The following PKD1L3 variants were observed in gnomAD, a reference collection of about 807,000 sequenced individuals.
The protein encoded by PKD1L3 is polycystin 1 like 3, transient receptor potential channel interacting.
In PKD1L3, 239 loss-of-function variants were observed where a neutral mutation model predicts 184.1. The ratio of observed to expected loss-of-function variants is 1.30; its 90% confidence interval spans 1.17 to 1.45. PKD1L3 has a LOEUF of 1.45. Among genes scored for constraint, PKD1L3 ranks in the 40% most tolerant of loss-of-function variants. PKD1L3 has a pLI of 0.00. For synonymous variants in PKD1L3, 996 were observed against 778.8 expected (o/e 1.28, Z -4.64); for missense variants, 2,660 against 2,067.2 (o/e 1.29, Z -5.56).
intron 12 of PKD1L3, among the ~76,000 whole-genome samples, chr16:71,971,799 A>G (rs2039720378): frequency 6.6e-6 from 1 of 152,186 alleles, no homozygotes; most frequent in South Asian, 2.1e-4. Flanking sequence ...ATGCCTTCCT[A>G]AGAATCCTCT....
chr16:71,970,667 G>C (rs1472086565), intron 12 of PKD1L3, among the ~76,000 whole-genome samples: 1 of 152,094 alleles, frequency 6.6e-6, no homozygotes, highest in East Asian at 1.9e-4. Flanking sequence ...AATTAGCCAG[G>C]CTTGGAGGCG....
intron 16 of PKD1L3, among the ~76,000 whole-genome samples, chr16:71,958,377 A>G (rs1386211668): frequency 8.0e-6 from 1 of 124,696 alleles, no homozygotes; most frequent in African/African-American, 2.9e-5. Context: ...ACAGAGCGAG[A>G]CTCCGTCTCA....
rs376138739 is a variant in PKD1L3, at chr16:71,979,885, G to A, written c.1299C>T (p.Ser433=). ...GGGCTGGGTGACCCAGAGTGTAAGA[G>A]CTCAGCGGTAAAGTTGATATGTTTT... The part of the protein sequence containing the change: ...SRQNISTLPL[S]SYTLGHPAPV... The change falls in exon 9 of 30, where the codon AGC becomes AGT. Residue 433 remains serine (S), a synonymous_variant. Transcript: ENST00000620267. 3 of 1,548,702 alleles carry A rather than the reference G, an allele frequency of 1.9e-6. No homozygotes were observed. The African/African-American group carries it at 4.1e-5, about 21-fold the overall frequency.
At chr16:71,999,189 T>C (rs993419819) in intron 1 of PKD1L3, among the ~76,000 whole-genome samples, 1 of 149,476 alleles carries the variant, frequency 6.7e-6, no homozygotes, top group African/African-American at 2.5e-5. Context: ...GAGAATGGCG[T>C]GAACCCGGGA....
chr16:71,945,385 T>C (rs58330958), intron 22 of PKD1L3, among the ~76,000 whole-genome samples: 98,374 of 132,026 alleles, frequency 0.75, 36,020 homozygotes, highest in East Asian at 0.97. Flanking sequence ...CACACACACA[T>C]ATATATATAT....
chr16:71,938,134 G>C (rs1053165902), intron 24 of PKD1L3, among the ~76,000 whole-genome samples: 6 of 152,114 alleles, frequency 3.9e-5, no homozygotes, highest in African/African-American at 1.4e-4. Context: ...GCACTCGGGG[G>C]CTCAGGAAAC....
chr16:71,980,269 T>C (rs1162144348), intron 7 of PKD1L3, 135 bp from the exon 8 acceptor site: 1 of 1,209,242 alleles, frequency 8.3e-7, no homozygotes, highest in African/African-American at 1.5e-5. Flanking sequence ...AGAGAGGACC[T>C]TGGAATCTCA....
intron 1 of PKD1L3, among the ~76,000 whole-genome samples, chr16:71,999,056 G>A (rs1342501984): frequency 1.3e-5 from 2 of 152,032 alleles, no homozygotes. Context: ...CGGATCACGA[G>A]GTCAGGAGAT....
rs2038837397 is a variant in PKD1L3, at chr16:71,951,606, C to CCT, written c.3146_3147dup (p.Gly1050ArgfsTer35). On this transcript the variant is annotated frameshift_variant, in exon 19 of 30. Transcript: ENST00000620267. LOFTEE classifies it high-confidence loss of function. ...TCTCCCTGCTGATGACAGCCTTGAC[C>CCT]CTCCAAGTGAGATGATACGAGGCTG... 9 of 1,551,616 alleles carry CCT rather than the reference C, an allele frequency of 5.8e-6. No homozygotes were observed. The highest frequency in any genetic ancestry group is 4.1e-5 in the African/African-American group (3 of 73,022).
Position 71,967,322 on chromosome 16 carries a change from T to A in PKD1L3, c.2287-7A>T, listed in dbSNP as rs965143438. ...CATAGAGGGTGATGACAACCTACAATGAGACAGGGAAAGATAAAATATAAG... is the reference window on the plus strand; with the variant it reads ...CATAGAGGGTGATGACAACCTACAAAGAGACAGGGAAAGATAAAATATAAG... On this transcript the variant is annotated splice_region_variant and splice_polypyrimidine_tract_variant and intron_variant, in intron 14 of 29. Coordinates refer to ENST00000620267, the MANE Select transcript of PKD1L3 (RefSeq NM_181536.2). 6.5e-7 allele frequency: 1 copy of A among 1,548,118 alleles called. No individual in the cohort carries two copies. The highest frequency in any genetic ancestry group is 8.7e-7 in the Non-Finnish European group (1 of 1,145,552).
chr16:71,980,272 G>A lies in PKD1L3; in HGVS notation c.1144-138C>T, dbSNP rs2040098940. On this transcript the variant is annotated intron_variant, in intron 7 of 29. Transcript: ENST00000620267. ...GTAGTATTCCTTAGAGAGGACCTTG[G>A]AATCTCACAGAAAGTACTTGCAACC... 2.5e-6 allele frequency: 3 copies of A among 1,180,674 alleles called. No homozygotes were observed. In the Admixed American group the frequency reaches 8.4e-5, roughly 33 times the overall value. 73.1% of individuals were successfully genotyped at this position (1,180,674 alleles called of 1,614,324 possible).
intron 3 of PKD1L3, among the ~76,000 whole-genome samples, chr16:71,990,680 G>C (rs562054230): frequency 6.6e-5 from 10 of 152,226 alleles, no homozygotes; most frequent in Admixed American, 3.9e-4. Flanking sequence ...GTTGCAGTGA[G>C]CCGAGATTGT....
chr16:71,929,874 A>G, intron 29 of PKD1L3, 178 bp downstream of exon 29: 2 of 985,414 alleles, frequency 2.0e-6, no homozygotes, highest in Non-Finnish European at 2.9e-6. Flanking sequence ...GCTATAGAAT[A>G]TTATGTAGTC....
Position 71,934,487 on chromosome 16 carries a change from G to A in PKD1L3, c.4614-362C>T, listed in dbSNP as rs569270560. On this transcript the variant is annotated intron_variant, in intron 26 of 29. Coordinates refer to ENST00000620267, the MANE Select transcript of PKD1L3 (RefSeq NM_181536.2). ...CAAAAGGAGATTAACTCAGCCCAGA[G>A]AGAGGAGCCATGCTGCTGGTCTGTT... Among the ~76,000 whole-genome samples, 12 of 152,310 alleles carry A rather than the reference G, an allele frequency of 7.9e-5. No homozygotes were observed. The South Asian group carries it at 2.5e-3, about 32-fold the overall frequency.
chr16:71,949,806 T>C lies in PKD1L3; in HGVS notation c.3595A>G (p.Ile1199Val). The change falls in exon 21 of 30, where the codon ATC (isoleucine) becomes GTC (valine). Residue 1199 changes from isoleucine to valine, a missense_variant. Ile to Val is a conservative substitution (Grantham distance 29). Transcript: ENST00000620267. ...ISIILSVLQN[I>V]FISQPVKVVF... is the part of the protein sequence containing the mutation. ...ACCTTTACTGGCTGGCTGATGAAGA[T>C]GTTCTGAAGCACTGATAAAATAATT... 5 of 1,550,966 alleles carry C rather than the reference T, an allele frequency of 3.2e-6. No homozygotes were observed. Among genetic ancestry groups the C allele is most frequent in the Non-Finnish European group, 3.5e-6 (4 of 1,146,882 alleles).
intron 3 of PKD1L3, among the ~76,000 whole-genome samples, chr16:71,990,594 C>A (rs1316086260): frequency 6.6e-6 from 1 of 151,778 alleles, no homozygotes; most frequent in Non-Finnish European, 1.5e-5. Flanking sequence ...ATTAGCCGGG[C>A]GTGGTGGCGG....
rs1597328787 is a variant in PKD1L3 at position 71,963,319 on chromosome 16, G to A, written c.2498C>T (p.Ala833Val). 2.6e-6 allele frequency: 4 copies of A among 1,550,846 alleles called. No individual in the cohort carries two copies. Among genetic ancestry groups the A allele is most frequent in the Middle Eastern group, 1.7e-4 (1 of 5,988 alleles). ...YVSQVIVCDMAVKRKWHFLCN... is the reference protein window; with the variant it reads ...YVSQVIVCDMVVKRKWHFLCN... ...CAGGAAATGCCACTTCCTCTTAACT[G>A]CCATGTCACAGACAATTACCTGGCT... The change falls in exon 16 of 30, where the codon GCA (alanine) becomes GTA (valine). Residue 833 changes from alanine to valine, a missense_variant. Physicochemically the swap from Ala to Val is moderately conservative, Grantham distance 64. Coordinates refer to ENST00000620267, the MANE Select transcript of PKD1L3 (RefSeq NM_181536.2).
chr16:71,963,061 T>C (rs940318919), intron 16 of PKD1L3, 144 bp downstream of exon 16: 36 of 869,330 alleles, frequency 4.1e-5, no homozygotes, highest in Non-Finnish European at 5.6e-5. Flanking sequence ...TTACACCAGT[T>C]ACAACCACAA....
Position 71,933,528 on chromosome 16 carries a change from A to G in PKD1L3, c.4825-7T>C. 2 of 1,539,992 alleles carry G rather than the reference A, an allele frequency of 1.3e-6. No individual in the cohort carries two copies. The highest frequency in any genetic ancestry group is 1.8e-6 in the Non-Finnish European group (2 of 1,136,140). The stretch of plus-strand genomic sequence containing the variant: ...ATCCAAACAGCAGGTTAAACTGAAC[A>G]GAAGGAGAAAGGCCAGTTAGTGCAA... On this transcript the variant is annotated splice_region_variant and splice_polypyrimidine_tract_variant and intron_variant, in intron 27 of 29. Transcript: ENST00000620267.
Sources: allele counts gnomAD v4.1 joint callset (sites outside exome capture counted in the v4.1 genomes callset), GRCh38; gene constraint gnomAD v4.1.1; transcripts MANE v1.5; gene names NCBI Gene and HGNC (gene_info 2026-07-23, HGNC 2026-07-21).